Variants in PLCXD3 observed in about 807,000 individuals in gnomAD.
PLCXD3 encodes the protein phosphatidylinositol specific phospholipase C X domain containing 3.
PLCXD3 carries 19 observed loss-of-function variants against 25.5 expected under a neutral mutation model. The ratio of observed to expected loss-of-function variants is 0.75; its 90% CI spans 0.52 to 1.09. The LOEUF (loss-of-function observed/expected upper bound fraction) is 1.09, where lower values mean the gene tolerates loss of function less well. PLCXD3 is among the 50% of genes least tolerant of loss of function. The pLI is 0.00. For synonymous variants in PLCXD3, 174 were observed against 137.6 expected (o/e 1.26, Z -1.85); for missense variants, 411 against 388.1 (o/e 1.06, Z -0.50).
At chr5:41,378,823 T>C (rs1745371186) in intron 2 of PLCXD3, among the ~76,000 whole-genome samples, 1 of 152,066 alleles carries the variant, frequency 6.6e-6, no homozygotes, top group African/African-American at 2.4e-5. Context: ...ACTTTAGTAG[T>C]AGGGTACTAG....
In PLCXD3 at chr5:41,396,261, T is replaced by C. The variant is rs1005777586; in HGVS notation, c.104-13727A>G. Among the ~76,000 whole-genome samples the C allele has an allele frequency of 6.6e-5, 10 of 152,220 alleles. No individual in the cohort carries two copies. In the South Asian group the frequency reaches 2.1e-3, roughly 32 times the overall value. ...GTAGATTTCCCCCTTGCTGTTCTCATGGTAGTGTGCAAGTTCTCAACGGAT... is the reference window on the plus strand; with the variant it reads ...GTAGATTTCCCCCTTGCTGTTCTCACGGTAGTGTGCAAGTTCTCAACGGAT... On this transcript the variant is annotated intron_variant, in intron 1 of 2. Coordinates refer to ENST00000377801, the MANE Select transcript of PLCXD3 (RefSeq NM_001005473.3).
intron 1 of PLCXD3, among the ~76,000 whole-genome samples, chr5:41,425,920 G>A (rs1746945087): frequency 6.6e-6 from 1 of 152,178 alleles, no homozygotes; most frequent in South Asian, 2.1e-4. Flanking sequence ...AAACATCCAT[G>A]TGCAGGTTTT....
At chr5:41,493,129 T>C (rs1325476147) in intron 1 of PLCXD3, among the ~76,000 whole-genome samples, 2 of 152,202 alleles carry the variant, frequency 1.3e-5, no homozygotes, top group African/African-American at 2.4e-5. Flanking sequence ...TCCTTTCTGT[T>C]TGTTAGTTTT....
intron 2 of PLCXD3, among the ~76,000 whole-genome samples, chr5:41,334,330 T>G (rs1180511172): frequency 2.0e-5 from 3 of 152,138 alleles, no homozygotes; most frequent in Admixed American, 6.6e-5. Flanking sequence ...GACAATATCT[T>G]TGATACTATT....
intron 1 of PLCXD3, among the ~76,000 whole-genome samples, chr5:41,387,441 C>T (rs1232679848): frequency 1.3e-5 from 2 of 152,086 alleles, no homozygotes; most frequent in Non-Finnish European, 2.9e-5. Flanking sequence ...AAAACTAATA[C>T]ATTTGGACAC....
intron 2 of PLCXD3, among the ~76,000 whole-genome samples, chr5:41,322,964 C>T (rs1743518740): frequency 1.7e-5 from 2 of 118,938 alleles, no homozygotes; most frequent in South Asian, 5.9e-4. Flanking sequence ...CAGAACAAGA[C>T]TCTGTCTAAA....
intron 1 of PLCXD3, among the ~76,000 whole-genome samples, chr5:41,390,658 T>C: frequency 6.6e-6 from 1 of 152,078 alleles, no homozygotes; most frequent in East Asian, 1.9e-4. Context: ...GAGGGTGGAA[T>C]AGAAGGCTCC....
intron 1 of PLCXD3, among the ~76,000 whole-genome samples, chr5:41,465,353 C>CTCTTTTTTTTTTTTTTTTTTTTTTTTT: frequency 7.6e-5 from 1 of 13,228 alleles, no homozygotes; most frequent in African/African-American, 2.9e-4. Context: ...TAGTTCTTGT[C>CTCTTTTTTTTTTTTTTTTTTTTTTTTT]TTTTTTTTTT....
chr5:41,396,134 G>A (rs371894854), intron 1 of PLCXD3, among the ~76,000 whole-genome samples: 6 of 152,110 alleles, frequency 3.9e-5, no homozygotes, highest in African/African-American at 9.7e-5. Context: ...ATCATTCACC[G>A]TGACTGAAAT....
intron 1 of PLCXD3, among the ~76,000 whole-genome samples, chr5:41,403,950 A>G (rs1196569951): frequency 6.6e-6 from 1 of 152,200 alleles, no homozygotes; most frequent in Admixed American, 6.5e-5. Context: ...AAACATCTTG[A>G]TAATTTAACT....
In PLCXD3 at chr5:41,311,192, T is replaced by C. The variant is rs1434425186; in HGVS notation, c.*2425A>G. 1.3e-5 allele frequency: 2 copies of C among 152,148 alleles called. No homozygotes were observed. The highest frequency in any genetic ancestry group is 2.9e-5 in the Non-Finnish European group (2 of 68,012). 9.4% of individuals were successfully genotyped at this position (152,148 alleles called of 1,614,324 possible). On this transcript the variant is annotated 3_prime_UTR_variant, in exon 3 of 3. Transcript: ENST00000377801. Reference sequence around the variant, plus strand: ...TGAATAGCCAGTTAGAGAGAAAGTCTGCCCAAAAACCAAATTTACGGGACA... The same window carrying C: ...TGAATAGCCAGTTAGAGAGAAAGTCCGCCCAAAAACCAAATTTACGGGACA...
At chr5:41,469,590 A>G (rs1748105060) in intron 1 of PLCXD3, among the ~76,000 whole-genome samples, 1 of 150,976 alleles carries the variant, frequency 6.6e-6, no homozygotes, top group African/African-American at 2.4e-5. Context: ...AGTAAGTTGT[A>G]TTGTGTCTAG....
chr5:41,481,289 G>T (rs1050243346), intron 1 of PLCXD3, among the ~76,000 whole-genome samples: 2 of 152,128 alleles, frequency 1.3e-5, no homozygotes, highest in Non-Finnish European at 2.9e-5. Context: ...GTTAATACAT[G>T]TAAGTGACTT....
chr5:41,428,493 T>A (rs1195024580), intron 1 of PLCXD3, among the ~76,000 whole-genome samples: 1 of 148,300 alleles, frequency 6.7e-6, no homozygotes, highest in Non-Finnish European at 1.5e-5. Flanking sequence ...AGAGAAAAGA[T>A]CACGTGAGGA....
At chr5:41,388,356 T>C (rs1745705269) in intron 1 of PLCXD3, among the ~76,000 whole-genome samples, 3 of 152,070 alleles carry the variant, frequency 2.0e-5, no homozygotes, top group South Asian at 2.1e-4. Flanking sequence ...TTTTTATTTA[T>C]ATATTTATCT....
chr5:41,423,653 T>G (rs1185865512), intron 1 of PLCXD3, among the ~76,000 whole-genome samples: 1 of 152,132 alleles, frequency 6.6e-6, no homozygotes, highest in Admixed American at 6.5e-5. Context: ...CATAAAAGGT[T>G]GTGAATTTCT....
chr5:41,329,892 C>G (rs934063597), intron 2 of PLCXD3, among the ~76,000 whole-genome samples: 7 of 150,240 alleles, frequency 4.7e-5, no homozygotes, highest in Admixed American at 6.7e-5. Flanking sequence ...TATTATAAAT[C>G]CATGTCAAAT....
At chr5:41,399,643 T>C (rs1166592762) in intron 1 of PLCXD3, among the ~76,000 whole-genome samples, 1 of 152,026 alleles carries the variant, frequency 6.6e-6, no homozygotes, top group African/African-American at 2.4e-5. Context: ...GCTATCCATA[T>C]GCAGAAAAAT....
chr5:41,504,847 T>G (rs993686045), intron 1 of PLCXD3, among the ~76,000 whole-genome samples: 2 of 152,176 alleles, frequency 1.3e-5, no homozygotes, highest in Non-Finnish European at 2.9e-5. Context: ...TCCATCCAGA[T>G]TTTTAGAACT....
Sources: allele counts gnomAD v4.1 joint callset (sites outside exome capture counted in the v4.1 genomes callset), GRCh38; gene constraint gnomAD v4.1.1; transcripts MANE v1.5; gene names NCBI Gene and HGNC (gene_info 2026-07-23, HGNC 2026-07-21).